Variants in PTPRD observed in about 807,000 individuals in gnomAD.
PTPRD encodes receptor-type tyrosine-protein phosphatase delta.
A neutral mutation model predicts 214.5 loss-of-function variants in PTPRD; 34 were observed. The ratio of observed to expected loss-of-function variants is 0.16; its 90% CI spans 0.12 to 0.21. The LOEUF (loss-of-function observed/expected upper bound fraction) is 0.21, where lower values mean the gene tolerates loss of function less well. Ranked by LOEUF, PTPRD falls within the 10% of genes least tolerant of loss-of-function variation. The pLI is 1.00. For synonymous variants in PTPRD, 1,128 were observed against 845.7 expected, an observed-to-expected ratio of 1.33 and a Z score of -5.79; for missense variants, 2,545 against 2,398.7, an observed-to-expected ratio of 1.06 and a Z score of -1.27.
intron 2 of PTPRD, among the ~76,000 whole-genome samples, chr9:10,459,339 T>G (rs1588641254): frequency 1.3e-5 from 2 of 152,224 alleles, no homozygotes; most frequent in East Asian, 3.9e-4. Flanking sequence ...TGCTGAATTG[T>G]GAATTGTGCC....
At chr9:9,641,088 C>T (rs1016511910) in intron 7 of PTPRD, among the ~76,000 whole-genome samples, 39 of 91,478 alleles carry the variant, frequency 4.3e-4, no homozygotes, top group African/African-American at 1.1e-3. Flanking sequence ...AAAGCTATAG[C>T]TTTAAATAGC....
intron 14 of PTPRD, among the ~76,000 whole-genome samples, chr9:8,587,560 C>T (rs1164661318): frequency 3.9e-5 from 6 of 152,030 alleles, no homozygotes; most frequent in Non-Finnish European, 8.8e-5. Context: ...ATATAATATT[C>T]CTTAAAGTTT....
At chr9:8,816,359 A>T (rs185657302) in intron 11 of PTPRD, among the ~76,000 whole-genome samples, 1 of 152,334 alleles carries the variant, frequency 6.6e-6, no homozygotes, top group Admixed American at 6.5e-5. Context: ...TCAGCTATGG[A>T]AAGAATGAGA....
At chr9:9,967,825 C>A (rs1424330091) in intron 4 of PTPRD, among the ~76,000 whole-genome samples, 1 of 151,948 alleles carries the variant, frequency 6.6e-6, no homozygotes, top group Non-Finnish European at 1.5e-5. Flanking sequence ...AACTCAAAAT[C>A]CTTTTAAGCA....
intron 5 of PTPRD, among the ~76,000 whole-genome samples, chr9:9,830,060 A>C (rs947570131): frequency 2.6e-5 from 4 of 151,828 alleles, no homozygotes; most frequent in African/African-American, 7.2e-5. Flanking sequence ...CTAAACATTC[A>C]TCTCTATTTC....
intron 8 of PTPRD, among the ~76,000 whole-genome samples, chr9:9,545,979 T>A (rs2078705102): frequency 6.6e-6 from 1 of 151,816 alleles, no homozygotes; most frequent in Admixed American, 6.6e-5. Flanking sequence ...GGTTTTTCAG[T>A]TTCTCACATA....
chr9:9,570,952 C>CA (rs573973814), intron 8 of PTPRD, among the ~76,000 whole-genome samples: 35 of 151,494 alleles, frequency 2.3e-4, no homozygotes, highest in Admixed American at 1.3e-3. Flanking sequence ...AGAACTGAAA[C>CA]ACGTTAGCTA....
At chr9:10,442,404 G>T (rs1470927406) in intron 2 of PTPRD, among the ~76,000 whole-genome samples, 1 of 151,580 alleles carries the variant, frequency 6.6e-6, no homozygotes, top group Non-Finnish European at 1.5e-5. Context: ...TGAAAGGTAG[G>T]AGAATGTTAC....
At chr9:9,804,496 T>C (rs1334489984) in intron 5 of PTPRD, among the ~76,000 whole-genome samples, 1 of 152,140 alleles carries the variant, frequency 6.6e-6, no homozygotes, top group Non-Finnish European at 1.5e-5. Context: ...TTAACAACAT[T>C]ATAAATTTTC....
intron 7 of PTPRD, among the ~76,000 whole-genome samples, chr9:9,584,373 T>TTATTATTATTA (rs1379074479): frequency 6.6e-6 from 1 of 151,288 alleles, no homozygotes; most frequent in African/African-American, 2.4e-5. Flanking sequence ...ATTATTATTA[T>TTATTATTATTA]TATTATTTGC....
intron 10 of PTPRD, among the ~76,000 whole-genome samples, chr9:9,118,298 A>G (rs558569799): frequency 6.6e-6 from 1 of 152,340 alleles, no homozygotes; most frequent in African/African-American, 2.4e-5. Flanking sequence ...ATACATGGTA[A>G]GCTTGATCCC....
intron 11 of PTPRD, among the ~76,000 whole-genome samples, chr9:8,780,896 G>A (rs1204988210): frequency 6.6e-6 from 1 of 152,154 alleles, no homozygotes; most frequent in Non-Finnish European, 1.5e-5. Flanking sequence ...TATCTCCAGT[G>A]CTTCCTTCTG....
At chr9:9,837,516 T>A (rs541602875) in intron 5 of PTPRD, among the ~76,000 whole-genome samples, 1 of 152,102 alleles carries the variant, frequency 6.6e-6, no homozygotes. Flanking sequence ...AAGGGCCATA[T>A]AGCTGAAGAT....
rs545888794 is a variant in PTPRD, at chr9:8,639,602, C to T, written c.65-2758G>A. Among the ~76,000 whole-genome samples, 97 of 152,266 alleles carry T rather than the reference C, an allele frequency of 6.4e-4. 1 individual carries two copies. The highest frequency in any genetic ancestry group is 2.2e-3 in the African/African-American group (92 of 41,552). On this transcript the variant is annotated intron_variant, in intron 12 of 45. Transcript: ENST00000381196. ...AACTAGAAGTAGGATACCCTTTTCC[C>T]TGCATCTGGATATTTTTTAAGGGAT... is the stretch of plus-strand genomic sequence containing the variant.
intron 8 of PTPRD, among the ~76,000 whole-genome samples, chr9:9,542,264 G>A (rs185677987): frequency 1.3e-5 from 2 of 151,708 alleles, no homozygotes; most frequent in African/African-American, 4.8e-5. Context: ...GGGTAATTTA[G>A]GTGACAAACA....
chr9:10,179,945 G>A (rs116769720), intron 3 of PTPRD, among the ~76,000 whole-genome samples: 2,056 of 152,088 alleles, frequency 0.014, 44 homozygotes, highest in African/African-American at 0.045. Context: ...TTGAAAGGAA[G>A]TCTTAAAAAG....
At chr9:10,474,585 A>G (rs181551927) in intron 2 of PTPRD, among the ~76,000 whole-genome samples, 7 of 152,258 alleles carry the variant, frequency 4.6e-5, no homozygotes, top group Admixed American at 1.3e-4. Flanking sequence ...AAAGAGGCAG[A>G]AAATTAACAA....
chr9:9,550,401 A>T (rs1211521738), intron 8 of PTPRD, among the ~76,000 whole-genome samples: 1 of 121,192 alleles, frequency 8.3e-6, no homozygotes, highest in Non-Finnish European at 2.0e-5. Flanking sequence ...ATATATATGA[A>T]ATGTATAATT....
intron 39 of PTPRD, among the ~76,000 whole-genome samples, chr9:8,343,421 A>T (rs1269255312): frequency 6.6e-6 from 1 of 152,070 alleles, no homozygotes; most frequent in Non-Finnish European, 1.5e-5. Context: ...AGTCCTACAA[A>T]TGATAGCACA....
Sources: gnomAD v4.1 joint callset for allele counts (sites outside exome capture counted in the v4.1 genomes callset) on GRCh38, gnomAD v4.1.1 for gene constraint, MANE v1.5 for transcripts, NCBI Gene and HGNC (gene_info 2026-07-23, HGNC 2026-07-21) for gene names.